The following GLCCI1 variants were observed in gnomAD, a reference collection of about 807,000 sequenced individuals.
GLCCI1 encodes the protein glucocorticoid induced 1, also known as glucocorticoid-induced transcript 1 protein.
In GLCCI1, 24 loss-of-function variants were observed where a neutral mutation model predicts 52.2. The observed-to-expected ratio is 0.46, with a 90% CI of 0.33 to 0.65. The LOEUF is 0.65. Ranked by LOEUF, GLCCI1 falls within the 30% of genes least tolerant of loss-of-function variation. The pLI is 0.02. For missense variants in GLCCI1, 704 were observed against 701.5 expected (o/e 1.00, Z -0.04); for synonymous variants, 310 against 276.5 (o/e 1.12, Z -1.20).
In GLCCI1 at chr7:7,994,031, C is replaced by T. The variant is rs117314423; in HGVS notation, c.458-9877C>T. Among the ~76,000 whole-genome samples the T allele has an allele frequency of 3.4e-4, 51 of 152,196 alleles. 1 individual carries two copies. The East Asian group carries it at 8.7e-3, about 26-fold the overall frequency. On this transcript the variant is annotated intron_variant, in intron 1 of 7. Coordinates refer to ENST00000223145, the MANE Select transcript of GLCCI1 (RefSeq NM_138426.4). ...GTTTGGCTATTGTCTTAATCTGTTTCGTATTGCTATAACAGTGTCACAGAC... is the reference window on the plus strand; with the variant it reads ...GTTTGGCTATTGTCTTAATCTGTTTTGTATTGCTATAACAGTGTCACAGAC...
At chr7:8,074,857 T>C (rs1049537999) in intron 6 of GLCCI1, among the ~76,000 whole-genome samples, 1 of 152,130 alleles carries the variant, frequency 6.6e-6, no homozygotes. Flanking sequence ...TTGATTTGAT[T>C]TGGAGTACCT....
In GLCCI1 at chr7:8,086,549, G is replaced by T; in HGVS notation, c.*11G>T. ...TATGTGATCATCTAAAAAAGGGGGA[G>T]CTGGCCTCCACCCTATGTTCCATGG... On this transcript the variant is annotated 3_prime_UTR_variant, in exon 8 of 8. Transcript: ENST00000223145. This position sits in a 1 kb window ranked among gnomAD's most constrained non-coding sequence, Gnocchi z 4.4. The T allele has an allele frequency of 6.4e-7, 1 of 1,566,622 alleles. No homozygotes were observed. Among genetic ancestry groups the T allele is most frequent in the Non-Finnish European group, 8.6e-7 (1 of 1,158,278 alleles).
intron 5 of GLCCI1, among the ~76,000 whole-genome samples, chr7:8,068,119 A>C (rs1782673749): frequency 6.6e-6 from 1 of 152,174 alleles, no homozygotes; most frequent in Non-Finnish European, 1.5e-5. Context: ...TGGGAGGCCA[A>C]GGCAGGATCA....
chr7:8,019,834 A>G (rs1781449879), intron 2 of GLCCI1, among the ~76,000 whole-genome samples: 1 of 152,218 alleles, frequency 6.6e-6, no homozygotes, highest in Admixed American at 6.5e-5. Context: ...ATACACCTGT[A>G]TAGGGCATGT....
intron 3 of GLCCI1, among the ~76,000 whole-genome samples, chr7:8,027,993 A>G (rs957679402): frequency 3.3e-5 from 5 of 152,192 alleles, no homozygotes; most frequent in African/African-American, 1.2e-4. Context: ...AGGAAGATAG[A>G]CCCCAATACA....
Position 8,004,128 on chromosome 7 carries a change from T to G in GLCCI1, c.609+69T>G, listed in dbSNP as rs1781101336. ...TCTGTTTTGATCACAGTAAAGAAAA[T>G]GTAATATAATCAAATTTCCCCAAAT... On this transcript the variant is annotated intron_variant, in intron 2 of 7. Transcript: ENST00000223145. 4 of 1,321,268 alleles carry G rather than the reference T, an allele frequency of 3.0e-6. No individual in the cohort carries two copies. In the South Asian group the frequency reaches 7.5e-5, roughly 25 times the overall value. The allele number at this position is 1,321,268 out of a possible 1,614,324, so 81.8% of individuals were successfully genotyped here. A position where few individuals can be genotyped will look rare whatever the true frequency, so the allele number is the denominator to read the frequency against.
At chr7:8,041,598 T>G (rs1782000178) in intron 3 of GLCCI1, among the ~76,000 whole-genome samples, 2 of 152,116 alleles carry the variant, frequency 1.3e-5, no homozygotes, top group Admixed American at 1.3e-4. Flanking sequence ...GGAGCTTGCT[T>G]TTTTTCTTTT....
chr7:7,990,699 C>CT (rs1337108726), intron 1 of GLCCI1, among the ~76,000 whole-genome samples: 4 of 152,068 alleles, frequency 2.6e-5, no homozygotes, highest in Non-Finnish European at 5.9e-5. Flanking sequence ...TTTTCTGCTG[C>CT]TTTTGGCCTT....
intron 3 of GLCCI1, among the ~76,000 whole-genome samples, chr7:8,040,303 T>C (rs552560958): frequency 6.6e-6 from 1 of 152,090 alleles, no homozygotes; most frequent in South Asian, 2.1e-4. Context: ...CTGAGCAACA[T>C]AGTAAGAGTT....
At chr7:7,985,584 G>A (rs1780707377) in intron 1 of GLCCI1, among the ~76,000 whole-genome samples, 2 of 152,190 alleles carry the variant, frequency 1.3e-5, no homozygotes, top group South Asian at 4.2e-4. Context: ...ATTCCTGAAT[G>A]TCTTCCTTGT....
chr7:8,069,359 G>T (rs1210551846), intron 5 of GLCCI1, among the ~76,000 whole-genome samples: 3 of 152,232 alleles, frequency 2.0e-5, no homozygotes, highest in African/African-American at 7.2e-5. Flanking sequence ...TGGAGGTGTG[G>T]TTAAAGCACT....
At chr7:8,041,885 C>T (rs573587499) in intron 3 of GLCCI1, among the ~76,000 whole-genome samples, 2 of 152,260 alleles carry the variant, frequency 1.3e-5, no homozygotes, top group African/African-American at 4.8e-5. Flanking sequence ...AGCCACCACA[C>T]GCAGCTGCAG....
rs2127960580 is a variant in GLCCI1, at chr7:8,060,100, C to G, written c.818C>G (p.Thr273Ser). The change falls in exon 5 of 8, where the codon ACT (threonine) becomes AGT (serine). Residue 273 changes from threonine (T) to serine (S), a missense_variant. Thr to Ser is a moderately conservative substitution (Grantham distance 58). This residue lies in a region of GLCCI1 where 547 missense variants were observed against 524.8 expected (regional missense o/e 1.04). Transcript: ENST00000223145. The part of the protein sequence containing the change: ...NHITISHTQA[T>S]GSRSVPMPLS... The stretch of plus-strand genomic sequence containing the variant: ...CACCTTTATCTTATCTCATAGGCTA[C>G]TGGATCAAGGTCAGTTCCTATGCCA... The G allele has an allele frequency of 6.2e-7, 1 of 1,610,688 alleles. No individual in the cohort carries two copies. The highest frequency in any genetic ancestry group is 2.2e-5 in the East Asian group (1 of 44,718).
At chr7:8,043,478 A>G (rs1220426160) in intron 3 of GLCCI1, among the ~76,000 whole-genome samples, 2 of 152,200 alleles carry the variant, frequency 1.3e-5, no homozygotes, top group African/African-American at 4.8e-5. Flanking sequence ...GATGAGTAAG[A>G]CTACATGTTA....
chr7:8,008,840 T>C (rs1363457549), intron 2 of GLCCI1, among the ~76,000 whole-genome samples: 2 of 152,052 alleles, frequency 1.3e-5, no homozygotes, highest in East Asian at 1.9e-4. Flanking sequence ...GTGGAGTAAA[T>C]AGAGCAAAAT....
At chr7:8,058,952 C>G (rs552782091) in intron 4 of GLCCI1, among the ~76,000 whole-genome samples, 1 of 152,104 alleles carries the variant, frequency 6.6e-6, no homozygotes, top group East Asian at 1.9e-4. Flanking sequence ...AAGAAATGGT[C>G]ATTAATAAAA....
chr7:8,067,401 A>C (rs1011964014), intron 5 of GLCCI1, among the ~76,000 whole-genome samples: 7 of 152,074 alleles, frequency 4.6e-5, no homozygotes. Context: ...TGATATGTAC[A>C]TGATCCTTCA....
chr7:8,068,370 C>T (rs544437700), intron 5 of GLCCI1, among the ~76,000 whole-genome samples: 6 of 152,226 alleles, frequency 3.9e-5, no homozygotes, highest in Admixed American at 6.5e-5. Context: ...AAAAAAATTT[C>T]GTCTTAGTTC....
At chr7:8,060,458 A>C (rs1167252031) in intron 5 of GLCCI1, among the ~76,000 whole-genome samples, 1 of 152,192 alleles carries the variant, frequency 6.6e-6, no homozygotes, top group South Asian at 2.1e-4. Flanking sequence ...CCCCAAAAAG[A>C]AACATTTTAT....
Sources: allele counts gnomAD v4.1 joint callset (sites outside exome capture counted in the v4.1 genomes callset), GRCh38; gene constraint gnomAD v4.1.1; regional missense constraint gnomAD v4.1.1; non-coding constraint Gnocchi (gnomAD v3.1); transcripts MANE v1.5; gene names NCBI Gene and HGNC (gene_info 2026-07-23, HGNC 2026-07-21).